The following CSMD1 variants were observed in gnomAD, a reference collection of about 807,000 sequenced individuals.
CSMD1 encodes CUB and Sushi multiple domains 1.
CSMD1 carries 213 observed loss-of-function variants against 417.5 expected under a neutral mutation model. The ratio of observed to expected loss-of-function variants is 0.51; its 90% confidence interval spans 0.46 to 0.57. The LOEUF is 0.57. CSMD1 is among the 20% of genes least tolerant of loss of function. The probability of loss-of-function intolerance (pLI) is 0.00; values close to 1 mark genes in which losing one functional copy is unlikely to be tolerated. For synonymous variants in CSMD1, 2,862 were observed against 1,736.8 expected, an observed-to-expected ratio of 1.65 and a Z score of -16.11; for missense variants, 6,923 against 4,529.7, an observed-to-expected ratio of 1.53 and a Z score of -15.17.
chr8:3,351,308 G>A (rs1239184089), intron 21 of CSMD1, among the ~76,000 whole-genome samples: 1 of 151,994 alleles, frequency 6.6e-6, no homozygotes. Context: ...GTATTAAATT[G>A]CTATGAAAGT....
At chr8:4,935,119 G>A (rs1398505858) in intron 1 of CSMD1, among the ~76,000 whole-genome samples, 3 of 152,158 alleles carry the variant, frequency 2.0e-5, no homozygotes, top group Non-Finnish European at 4.4e-5. Flanking sequence ...ATTCCTTATA[G>A]CTCACCACTT....
intron 11 of CSMD1, among the ~76,000 whole-genome samples, chr8:3,470,718 A>C (rs888929086): frequency 1.3e-5 from 2 of 152,100 alleles, no homozygotes; most frequent in African/African-American, 4.8e-5. Context: ...GGCAACCACT[A>C]ATCAGTATCC....
Position 3,396,384 on chromosome 8 carries a change from G to A in CSMD1, c.2406-3C>T. The A allele has an allele frequency of 1.3e-6, 2 of 1,565,018 alleles. No homozygotes were observed. Among genetic ancestry groups the A allele is most frequent in the East Asian group, 2.3e-5 (1 of 43,974 alleles). On this transcript the variant is annotated splice_region_variant and splice_polypyrimidine_tract_variant and intron_variant, in intron 16 of 69. Transcript: ENST00000635120. ...CATAATTGACCTCTGTCTGAAATCT[G>A]CAAATATATACATCCCATCAGAAAA...
At chr8:3,327,621 G>A (rs974362674) in intron 23 of CSMD1, among the ~76,000 whole-genome samples, 2 of 152,132 alleles carry the variant, frequency 1.3e-5, no homozygotes, top group African/African-American at 4.8e-5. Context: ...TTTCAGTAGT[G>A]ACCTGGGAAT....
chr8:4,582,532 G>C (rs554679805), intron 2 of CSMD1, among the ~76,000 whole-genome samples: 1 of 152,186 alleles, frequency 6.6e-6, no homozygotes, highest in Non-Finnish European at 1.5e-5. Flanking sequence ...TCTCACAGGA[G>C]TGAGAGATCA....
intron 7 of CSMD1, among the ~76,000 whole-genome samples, chr8:3,703,557 T>C (rs1048178308): frequency 2.0e-5 from 3 of 152,072 alleles, no homozygotes; most frequent in Non-Finnish European, 2.9e-5. Flanking sequence ...CTGTGGGTCA[T>C]GGATGGGAAA....
chr8:4,261,045 C>T lies in CSMD1; in HGVS notation c.415+158908G>A, dbSNP rs116466642. Among the ~76,000 whole-genome samples the T allele has an allele frequency of 5.6e-3, 851 of 152,268 alleles. 6 individuals carry two copies. The highest frequency in any genetic ancestry group is 0.019 in the African/African-American group (810 of 41,556). ...GTAGACATCACTTACTATGCTTTAA[C>T]GGTGAATTTAGGATTCCGGATACCT... On this transcript the variant is annotated intron_variant, in intron 3 of 69. Transcript: ENST00000635120.
intron 2 of CSMD1, among the ~76,000 whole-genome samples, chr8:4,585,916 T>C (rs1482877000): frequency 6.6e-6 from 1 of 152,144 alleles, no homozygotes; most frequent in Non-Finnish European, 1.5e-5. Context: ...GATGGGAAAA[T>C]TATATGTAAC....
chr8:4,895,796 C>T (rs1425736312), intron 1 of CSMD1, among the ~76,000 whole-genome samples: 2 of 151,950 alleles, frequency 1.3e-5, no homozygotes, highest in African/African-American at 2.4e-5. Context: ...AATCAATAAG[C>T]TGTACAGCTG....
Position 3,955,546 on chromosome 8 carries a change from G to A in CSMD1, c.818+42357C>T, listed in dbSNP as rs193204763. Among the ~76,000 whole-genome samples, 86 of 152,224 alleles carry A rather than the reference G, an allele frequency of 5.6e-4. 2 individuals are homozygous for A. The South Asian group carries it at 0.013, about 24-fold the overall frequency. On this transcript the variant is annotated intron_variant, in intron 5 of 69. Coordinates refer to ENST00000635120, the MANE Select transcript of CSMD1 (RefSeq NM_033225.6). ...CTAATAAGTCAGTAGAGGATTTGGC[G>A]TCTGAAAAAATGTTTACATATTCCA...
At chr8:3,144,619 G>A (rs1818723164) in intron 40 of CSMD1, among the ~76,000 whole-genome samples, 1 of 151,954 alleles carries the variant, frequency 6.6e-6, no homozygotes, top group East Asian at 1.9e-4. Context: ...AATCAAGGTG[G>A]AGCAACTCTT....
At chr8:4,411,511 C>G (rs913747323) in intron 3 of CSMD1, among the ~76,000 whole-genome samples, 1 of 152,220 alleles carries the variant, frequency 6.6e-6, no homozygotes, top group Non-Finnish European at 1.5e-5. Context: ...TTCATTCCCA[C>G]ATTATCATCA....
chr8:3,213,742 AAT>A (rs1047424671), intron 30 of CSMD1, among the ~76,000 whole-genome samples: 25 of 150,724 alleles, frequency 1.7e-4, no homozygotes, highest in African/African-American at 3.9e-4. Flanking sequence ...TATATGTAAA[AAT>A]ATATGTGTGT....
intron 3 of CSMD1, among the ~76,000 whole-genome samples, chr8:4,167,815 C>T (rs772479704): frequency 2.6e-5 from 4 of 152,112 alleles, no homozygotes; most frequent in African/African-American, 9.7e-5. Context: ...CATACTCAGA[C>T]TCCATCTCTA....
chr8:4,037,257 G>C lies in CSMD1; in HGVS notation c.416-5158C>G, dbSNP rs965647785. On this transcript the variant is annotated intron_variant, in intron 3 of 69. Coordinates refer to ENST00000635120, the MANE Select transcript of CSMD1 (RefSeq NM_033225.6). ...AATATGACATAGGAACTTTACTTTT[G>C]TTTATATCAATTAACCTGTGGGAAA... Among the ~76,000 whole-genome samples, 5 of 152,192 alleles carry C rather than the reference G, an allele frequency of 3.3e-5. No homozygotes were observed. The South Asian group carries it at 8.3e-4, about 25-fold the overall frequency.
At position 3,074,431 on chromosome 8, in the gene CSMD1, C is replaced by T. The variant is rs566861337; in HGVS notation, c.7474+12666G>A. ...GGAGCTGTCTACCCAGGGCGTCGGT[C>T]ACCCCACCTCCTCTTAGGATTCTAC... On this transcript the variant is annotated intron_variant, in intron 49 of 69. Transcript: ENST00000635120. Among the ~76,000 whole-genome samples, 70 of 152,310 alleles carry T rather than the reference C, an allele frequency of 4.6e-4. No homozygotes were observed. In the East Asian group the frequency reaches 7.9e-3, roughly 17 times the overall value.
chr8:4,337,236 C>T (rs1225482970), intron 3 of CSMD1, among the ~76,000 whole-genome samples: 1 of 152,058 alleles, frequency 6.6e-6, no homozygotes, highest in Non-Finnish European at 1.5e-5. Flanking sequence ...GCAAAAACTC[C>T]ACTGCCTGAT....
chr8:4,214,889 C>CT (rs1800541876), intron 3 of CSMD1, among the ~76,000 whole-genome samples: 1 of 151,882 alleles, frequency 6.6e-6, no homozygotes, highest in South Asian at 2.1e-4. Context: ...AATGTATATT[C>CT]TTTTTTAAGT....
At chr8:3,647,093 T>C (rs1191646574) in intron 7 of CSMD1, among the ~76,000 whole-genome samples, 2 of 152,176 alleles carry the variant, frequency 1.3e-5, no homozygotes, top group Admixed American at 6.5e-5. Flanking sequence ...CCAGCCCTTG[T>C]CATGGCAATG....
Sources: allele counts gnomAD v4.1 joint callset (sites outside exome capture counted in the v4.1 genomes callset), GRCh38; gene constraint gnomAD v4.1.1; transcripts MANE v1.5; gene names NCBI Gene and HGNC (gene_info 2026-07-23, HGNC 2026-07-21).